ACSL6: variants seen among roughly 807,000 people sequenced by gnomAD.
The protein encoded by ACSL6 is acyl-CoA synthetase long chain family member 6, also known as long-chain-fatty-acid--CoA ligase 6.
Under a neutral mutation model 98.2 loss-of-function variants are expected in ACSL6, and 47 were observed. The observed-to-expected ratio is 0.48, with a 90% confidence interval of 0.38 to 0.61. ACSL6 has a LOEUF of 0.61. ACSL6 is among the 20% of genes least tolerant of loss of function. The probability of loss-of-function intolerance (pLI) is 0.00; values close to 1 mark genes in which losing one functional copy is unlikely to be tolerated. For missense variants in ACSL6, 761 were observed against 913.4 expected (o/e 0.83, Z 2.15); for synonymous variants, 362 against 336.9 (o/e 1.07, Z -0.82).
chr5:131,974,615 A>G, intron 11 of ACSL6: 1 of 906,914 alleles, frequency 1.1e-6, no homozygotes, highest in South Asian at 1.7e-5. Flanking sequence ...GGGTGGCTAA[A>G]GTCCTCTGAG....
chr5:131,987,377 G>T (rs1329839322), intron 7 of ACSL6, among the ~76,000 whole-genome samples: 1 of 152,240 alleles, frequency 6.6e-6, no homozygotes, highest in Non-Finnish European at 1.5e-5. Flanking sequence ...AGTGGGGCAG[G>T]TGGGGGCTGC....
chr5:131,978,305 A>G (rs1426659467), intron 9 of ACSL6, among the ~76,000 whole-genome samples: 1 of 152,206 alleles, frequency 6.6e-6, no homozygotes, highest in East Asian at 1.9e-4. Flanking sequence ...CAACCCAAGG[A>G]AGGACACCAC....
chr5:131,963,393 TG>T (rs1752838180), intron 17 of ACSL6, among the ~76,000 whole-genome samples: 1 of 152,230 alleles, frequency 6.6e-6, no homozygotes, highest in Admixed American at 6.5e-5. Flanking sequence ...CAATGCACCT[TG>T]GAGTAACCAC....
At chr5:131,990,269 TC>T in intron 3 of ACSL6, 105 bp from the exon 4 acceptor site, 1 of 1,151,650 alleles carries the variant, frequency 8.7e-7, no homozygotes, top group Non-Finnish European at 1.3e-6. Context: ...CTGTAGTGTG[TC>T]CATGGGCCAA....
chr5:131,980,639 C>A (rs993763785), intron 9 of ACSL6, among the ~76,000 whole-genome samples: 1 of 152,156 alleles, frequency 6.6e-6, no homozygotes, highest in Admixed American at 6.5e-5. Context: ...GTCTCCACCC[C>A]CTCAGCCTCC....
chr5:132,004,995 C>T (rs370530006), intron 1 of ACSL6, among the ~76,000 whole-genome samples: 1 of 151,860 alleles, frequency 6.6e-6, no homozygotes, highest in African/African-American at 2.4e-5. Context: ...ACCAAAAATA[C>T]AAAAAAATTA....
chr5:131,969,304 C>T (rs182882833), intron 15 of ACSL6, among the ~76,000 whole-genome samples: 3 of 152,364 alleles, frequency 2.0e-5, no homozygotes, highest in Admixed American at 2.0e-4. Flanking sequence ...AAACTGAAAT[C>T]ATATTTGGCC....
upstream of ACSL6, chr5:132,011,942 G>T (rs762826319): frequency 5.8e-6 from 9 of 1,549,778 alleles, no homozygotes; most frequent in South Asian, 3.6e-5. The surrounding 1 kb of genome is among the most constrained non-coding windows in gnomAD (Gnocchi z 5.4). Flanking sequence ...CGGCTGGAAG[G>T]GGGAGCACGG....
chr5:131,959,695 A>T, intron 19 of ACSL6, 88 bp from the exon 20 acceptor site: 1 of 1,279,420 alleles, frequency 7.8e-7, no homozygotes, highest in Non-Finnish European at 1.1e-6. Context: ...GTAAAGTACA[A>T]CTGATGATTG....
intron 20 of ACSL6, 28 bp from the exon 21 acceptor site, chr5:131,954,399 T>C: frequency 1.9e-6 from 3 of 1,607,416 alleles, no homozygotes; most frequent in Non-Finnish European, 2.5e-6. Flanking sequence ...AAAACATCTT[T>C]AACAGGAATA....
At chr5:131,975,399 G>A (rs1753565414) in intron 10 of ACSL6, 9 of 985,390 alleles carry the variant, frequency 9.1e-6, no homozygotes, top group Non-Finnish European at 1.1e-5. Context: ...TGCAGGACCT[G>A]CCCCACACCC....
chr5:131,988,056 C>A lies in ACSL6; in HGVS notation c.823G>T (p.Ala275Ser). The A allele has an allele frequency of 3.7e-6, 6 of 1,613,974 alleles. No individual in the cohort carries two copies. Among genetic ancestry groups the A allele is most frequent in the Non-Finnish European group, 5.1e-6 (6 of 1,179,904 alleles). ...CAGAAGCAGACCCTCACCTCCACGG[C>A]CTGCATGGACTTAATGACCACCCCG... ...KCGVVIKSMQ[A>S]VEDCGQENHQ... is the part of the protein sequence containing the mutation. The change falls in exon 7 of 21, where the codon GCC (alanine) becomes TCC (serine). Residue 275 changes from alanine to serine, a missense_variant. Coordinates refer to ENST00000651883, the MANE Select transcript of ACSL6 (RefSeq NM_001009185.3).
chr5:131,978,626 G>A (rs751765077), intron 9 of ACSL6, among the ~76,000 whole-genome samples: 1 of 152,160 alleles, frequency 6.6e-6, no homozygotes, highest in African/African-American at 2.4e-5. Flanking sequence ...AATTAAGACT[G>A]TGTTTGTGAC....
At chr5:131,990,791 C>G (rs60658467) in intron 3 of ACSL6, 62 bp downstream of exon 3, 2 of 1,512,854 alleles carry the variant, frequency 1.3e-6, no homozygotes, top group Admixed American at 1.7e-5. Context: ...CATACCCACC[C>G]TTGCACCCAC....
intron 1 of ACSL6, among the ~76,000 whole-genome samples, chr5:132,002,931 C>G (rs1193226914): frequency 1.3e-5 from 2 of 152,166 alleles, no homozygotes; most frequent in Non-Finnish European, 2.9e-5. Context: ...AGCCCACAAG[C>G]TAATGGCACT....
intron 1 of ACSL6, among the ~76,000 whole-genome samples, chr5:131,996,574 C>CA (rs1013626806): frequency 2.0e-5 from 3 of 152,212 alleles, no homozygotes; most frequent in Admixed American, 6.5e-5. Context: ...CTGTATACCC[C>CA]AAAAGTTTTA....
chr5:131,994,067 C>A lies in ACSL6; in HGVS notation c.234G>T (p.Pro78=), dbSNP rs140760107. 1.2e-6 allele frequency: 2 copies of A among 1,614,074 alleles called. No individual in the cohort carries two copies. The highest frequency in any genetic ancestry group is 1.7e-6 in the Non-Finnish European group (2 of 1,180,036). ...CTGACTGCATCAGGAGGTTGCATGG[C>A]GGCTGCAAGGCCTTTGGCCGGTGAG... The part of the protein sequence containing the change: ...WFTHRPKALQ[P]PCNLLMQSEE... Residue 78 remains proline (P), a synonymous_variant, in exon 2 of 21, where the codon CCG becomes CCT. Transcript: ENST00000651883.
chr5:131,961,983 C>T (rs1432588062), intron 18 of ACSL6, among the ~76,000 whole-genome samples: 1 of 151,564 alleles, frequency 6.6e-6, no homozygotes, highest in Non-Finnish European at 1.5e-5. Context: ...CGAGACTAGC[C>T]TGGGCAACAT....
chr5:131,955,559 G>A (rs1285651529), intron 20 of ACSL6, among the ~76,000 whole-genome samples: 1 of 152,196 alleles, frequency 6.6e-6, no homozygotes, highest in Non-Finnish European at 1.5e-5. Context: ...GTGGGGTTTA[G>A]ATAGGTAAGG....
Sources: gnomAD v4.1 joint callset for allele counts (sites outside exome capture counted in the v4.1 genomes callset) on GRCh38, gnomAD v4.1.1 for gene constraint, Gnocchi (gnomAD v3.1) non-coding constraint, MANE v1.5 for transcripts, NCBI Gene and HGNC (gene_info 2026-07-23, HGNC 2026-07-21) for gene names.